Variants in ARHGAP42 observed in about 807,000 individuals in gnomAD.
ARHGAP42 encodes the protein rho GTPase-activating protein 42.
Under a neutral mutation model 125.0 loss-of-function variants are expected in ARHGAP42, and 63 were observed. The ratio of observed to expected loss-of-function variants is 0.50; its 90% CI spans 0.41 to 0.62. The LOEUF is 0.62. Among genes scored for constraint, ARHGAP42 ranks in the 20% least tolerant of loss-of-function variants. The pLI, the probability that ARHGAP42 is intolerant of heterozygous loss-of-function variation, is 0.00. For synonymous variants in ARHGAP42, 339 were observed against 351.0 expected, an observed-to-expected ratio of 0.97 and a Z score of 0.38; for missense variants, 766 against 1,024.2, an observed-to-expected ratio of 0.75 and a Z score of 3.44.
intron 1 of ARHGAP42, among the ~76,000 whole-genome samples, chr11:100,706,676 G>A (rs781200317): frequency 2.6e-5 from 4 of 152,120 alleles, no homozygotes; most frequent in Non-Finnish European, 5.9e-5. Context: ...TTTTCAAGAT[G>A]TCATTTCAAA....
intron 10 of ARHGAP42, among the ~76,000 whole-genome samples, 166 bp from the exon 11 acceptor site, chr11:100,948,291 T>C (rs951401320): frequency 2.6e-5 from 4 of 152,112 alleles, no homozygotes; most frequent in East Asian, 1.9e-4. Flanking sequence ...TCTGAAAGTA[T>C]TATACTTCAG....
chr11:100,794,135 G>A (rs1237705919), intron 2 of ARHGAP42, among the ~76,000 whole-genome samples: 1 of 125,332 alleles, frequency 8.0e-6, no homozygotes, highest in Non-Finnish European at 1.6e-5. Context: ...GTTTATTTGT[G>A]TTACCATTTT....
At chr11:100,893,437 A>G (rs1037798734) in intron 4 of ARHGAP42, among the ~76,000 whole-genome samples, 4 of 152,084 alleles carry the variant, frequency 2.6e-5, no homozygotes, top group African/African-American at 7.2e-5. Flanking sequence ...TGATTAAGTT[A>G]GGATAAAATT....
At chr11:100,888,438 G>A (rs779353975) in intron 4 of ARHGAP42, among the ~76,000 whole-genome samples, 1 of 152,050 alleles carries the variant, frequency 6.6e-6, no homozygotes, top group Non-Finnish European at 1.5e-5. Context: ...CAAAGTGGGG[G>A]ATATGGGGAT....
chr11:100,775,758 G>C (rs1863103574), intron 2 of ARHGAP42, among the ~76,000 whole-genome samples: 2 of 152,126 alleles, frequency 1.3e-5, no homozygotes. Context: ...CCACACCAAA[G>C]CTGGAGTATG....
chr11:100,879,213 A>G (rs1865897672), intron 4 of ARHGAP42, among the ~76,000 whole-genome samples: 2 of 152,146 alleles, frequency 1.3e-5, no homozygotes, highest in South Asian at 4.1e-4. Flanking sequence ...TGCATAATAC[A>G]AGTTTTAGAA....
intron 3 of ARHGAP42, among the ~76,000 whole-genome samples, chr11:100,821,288 G>A (rs1266642093): frequency 6.6e-6 from 1 of 152,036 alleles, no homozygotes; most frequent in Admixed American, 6.6e-5. Context: ...GGTGGGAGGA[G>A]CATTCTCAGC....
intron 23 of ARHGAP42, among the ~76,000 whole-genome samples, chr11:100,988,012 T>C (rs972231058): frequency 3.3e-5 from 5 of 151,914 alleles, no homozygotes; most frequent in African/African-American, 4.8e-5. Context: ...CCTGTAGTCC[T>C]AGCTACTCTG....
chr11:100,794,519 C>T (rs922795044), intron 2 of ARHGAP42, among the ~76,000 whole-genome samples: 2 of 152,134 alleles, frequency 1.3e-5, no homozygotes, highest in South Asian at 4.1e-4. Context: ...CTAACAAACT[C>T]CCAAGATGCT....
At chr11:100,772,994 GC>G (rs1187856397) in intron 2 of ARHGAP42, among the ~76,000 whole-genome samples, 3 of 152,108 alleles carry the variant, frequency 2.0e-5, no homozygotes, top group African/African-American at 7.2e-5. Context: ...ATGCCACCAT[GC>G]CCAGCTAATT....
At chr11:100,792,299 G>A (rs999406436) in intron 2 of ARHGAP42, among the ~76,000 whole-genome samples, 12 of 152,150 alleles carry the variant, frequency 7.9e-5, no homozygotes, top group African/African-American at 2.4e-4. Context: ...AGACTAGTAT[G>A]AAAATAAAGC....
rs191871006 is a variant in ARHGAP42, at chr11:100,916,438, G to A, written c.486+2885G>A. 3.9e-5 allele frequency among the ~76,000 whole-genome samples: 6 copies of A among 152,116 alleles called. 1 individual carries two copies. The highest frequency in any genetic ancestry group is 1.4e-4 in the African/African-American group (6 of 41,514). ...GTGTCAGAAAGGTAAACACTTCAATGGAAAAAATGGGCTAAGAAGGCAAAC... is the reference window on the plus strand; with the variant it reads ...GTGTCAGAAAGGTAAACACTTCAATAGAAAAAATGGGCTAAGAAGGCAAAC... On this transcript the variant is annotated intron_variant, in intron 5 of 23. Coordinates refer to ENST00000298815, the MANE Select transcript of ARHGAP42 (RefSeq NM_152432.4).
chr11:100,847,630 T>G (rs1865102272), intron 3 of ARHGAP42, among the ~76,000 whole-genome samples: 1 of 152,056 alleles, frequency 6.6e-6, no homozygotes, highest in Admixed American at 6.6e-5. Context: ...ATTGCTAATT[T>G]AACCTGGAGA....
intron 1 of ARHGAP42, among the ~76,000 whole-genome samples, chr11:100,721,378 T>A (rs1861755461): frequency 6.6e-6 from 1 of 152,102 alleles, no homozygotes; most frequent in African/African-American, 2.4e-5. Flanking sequence ...ATGCAATGTA[T>A]AGCCCTTTCA....
At chr11:100,953,682 A>G (rs678351) in intron 12 of ARHGAP42, among the ~76,000 whole-genome samples, 134,221 of 152,158 alleles carry the variant, frequency 0.88, 59,291 homozygotes, top group East Asian at 1. Context: ...TATGGATGCC[A>G]TAAATGAGAC....
At chr11:100,798,433 T>A (rs1863771887) in intron 3 of ARHGAP42, among the ~76,000 whole-genome samples, 1 of 152,124 alleles carries the variant, frequency 6.6e-6, no homozygotes, top group Admixed American at 6.6e-5. Context: ...CAGTTAACAG[T>A]CATCAGCATC....
chr11:100,767,755 T>C (rs772400333), intron 1 of ARHGAP42, among the ~76,000 whole-genome samples: 11 of 152,176 alleles, frequency 7.2e-5, no homozygotes, highest in Non-Finnish European at 1.2e-4. Context: ...GAATTACATT[T>C]AGGGCTTCAA....
intron 3 of ARHGAP42, among the ~76,000 whole-genome samples, chr11:100,848,862 A>G (rs1443843100): frequency 6.6e-6 from 1 of 152,192 alleles, no homozygotes; most frequent in Non-Finnish European, 1.5e-5. Flanking sequence ...ATAATTATAT[A>G]GGATGATTCA....
At position 100,922,149 on chromosome 11, in the gene ARHGAP42, C is replaced by T. The variant is rs189814866; in HGVS notation, c.597+545C>T. On this transcript the variant is annotated intron_variant, in intron 6 of 23. Coordinates refer to ENST00000298815, the MANE Select transcript of ARHGAP42 (RefSeq NM_152432.4). ...TCTATAGATGAATGAATACACTTCA[C>T]CAGTACAGTGACCCATTTAGCAAAT... Among the ~76,000 whole-genome samples the T allele has an allele frequency of 2.6e-5, 4 of 152,270 alleles. No individual in the cohort carries two copies. The East Asian group carries it at 5.8e-4, about 22-fold the overall frequency.
Sources: gnomAD v4.1 joint callset for allele counts (sites outside exome capture counted in the v4.1 genomes callset) on GRCh38, gnomAD v4.1.1 for gene constraint, MANE v1.5 for transcripts, NCBI Gene and HGNC (gene_info 2026-07-23, HGNC 2026-07-21) for gene names.